Variants in ARHGAP26 observed in about 807,000 individuals in gnomAD.
ARHGAP26 encodes Rho GTPase activating protein 26, also known as rho GTPase-activating protein 26.
A neutral mutation model predicts 104.8 loss-of-function variants in ARHGAP26; 38 were observed. That is an observed-to-expected ratio of 0.36 (90% CI 0.28 to 0.48). ARHGAP26 has a LOEUF of 0.48. Among genes scored for constraint, ARHGAP26 ranks in the 20% least tolerant of loss-of-function variants. ARHGAP26 has a pLI of 0.99. For synonymous variants in ARHGAP26, 341 were observed against 340.0 expected, an observed-to-expected ratio of 1.00 and a Z score of -0.03; for missense variants, 704 against 947.9, an observed-to-expected ratio of 0.74 and a Z score of 3.38.
intron 1 of ARHGAP26, among the ~76,000 whole-genome samples, chr5:142,835,325 T>G (rs1769341482): frequency 1.3e-5 from 2 of 152,214 alleles, no homozygotes; most frequent in African/African-American, 4.8e-5. Context: ...TAGAGATGTC[T>G]TCTTTTTCTT....
At chr5:143,012,548 C>A (rs13170271) in intron 11 of ARHGAP26, among the ~76,000 whole-genome samples, 1 of 23,346 alleles carries the variant, frequency 4.3e-5, no homozygotes, top group Non-Finnish European at 1.1e-4. Flanking sequence ...TATATACATA[C>A]ATACATATAT....
At chr5:142,850,536 AC>A (rs1446860782) in intron 1 of ARHGAP26, among the ~76,000 whole-genome samples, 41 of 152,238 alleles carry the variant, frequency 2.7e-4, no homozygotes, top group African/African-American at 9.9e-4. Flanking sequence ...ATACTTGCAT[AC>A]AAACTTTCGA....
At chr5:143,041,627 C>G in intron 13 of ARHGAP26, 189 bp from the exon 14 acceptor site, 1 of 583,852 alleles carries the variant, frequency 1.7e-6, no homozygotes, top group Non-Finnish European at 3.1e-6. Flanking sequence ...CCGTGAAATC[C>G]TAGACAGCTG....
chr5:143,030,307 G>A (rs891853010), intron 12 of ARHGAP26, among the ~76,000 whole-genome samples: 19 of 152,130 alleles, frequency 1.2e-4, no homozygotes, highest in African/African-American at 4.6e-4. Flanking sequence ...TTAGATGGCC[G>A]AGTTAGTGTA....
At chr5:143,013,730 T>TA (rs1229907360) in intron 11 of ARHGAP26, among the ~76,000 whole-genome samples, 1 of 152,240 alleles carries the variant, frequency 6.6e-6, no homozygotes, top group East Asian at 1.9e-4. Context: ...GTGAAATGCT[T>TA]AGCACATTGC....
At chr5:142,990,490 G>T (rs767041106) in intron 11 of ARHGAP26, among the ~76,000 whole-genome samples, 1 of 152,158 alleles carries the variant, frequency 6.6e-6, no homozygotes, top group Non-Finnish European at 1.5e-5. Flanking sequence ...GTCTAGCTTT[G>T]TTCCACTGCT....
rs190010722 is a variant in ARHGAP26 at position 142,955,771 on chromosome 5, C to T, written c.1107+23646C>T. Among the ~76,000 whole-genome samples, 1,034 of 152,258 alleles carry T rather than the reference C, an allele frequency of 6.8e-3. 13 individuals carry two copies. The highest frequency in any genetic ancestry group is 0.022 in the African/African-American group (928 of 41,540). ...GGGAAAATGGAAATAGACAAATGAT[C>T]GGTTCCAGATGTTAGTCTTGTTGTG... On this transcript the variant is annotated intron_variant, in intron 11 of 22. Transcript: ENST00000645722.
At position 143,048,829 on chromosome 5, in the gene ARHGAP26, G is replaced by A. The variant is rs577346693; in HGVS notation, c.1286-5610G>A. 4.6e-5 allele frequency among the ~76,000 whole-genome samples: 7 copies of A among 150,768 alleles called. No individual in the cohort carries two copies. In the South Asian group the frequency reaches 1.0e-3, roughly 23 times the overall value. On this transcript the variant is annotated intron_variant, in intron 14 of 22. Transcript: ENST00000645722. ...CTCAGGAGGCTGAGGCAGGAGAATC[G>A]CTTGAACGTGGGAGGTGGAGGTTGC...
Position 143,223,977 on chromosome 5 carries a change from G to A in ARHGAP26, c.*1531G>A, listed in dbSNP as rs561328762. 13 of 231,756 alleles carry A rather than the reference G, an allele frequency of 5.6e-5. No homozygotes were observed. Among genetic ancestry groups the A allele is most frequent in the African/African-American group, 2.0e-4 (9 of 45,384 alleles). 14.4% of individuals were successfully genotyped at this position (231,756 alleles called of 1,614,324 possible). ...TAGACAAACTACAAACCGATGGACCGTCAAGCTCCCCAGGAGCCCCTTGGA... is the reference window on the plus strand; with the variant it reads ...TAGACAAACTACAAACCGATGGACCATCAAGCTCCCCAGGAGCCCCTTGGA... On this transcript the variant is annotated 3_prime_UTR_variant, in exon 23 of 23. Transcript: ENST00000645722.
chr5:143,030,242 G>A (rs147869460), intron 12 of ARHGAP26, among the ~76,000 whole-genome samples: 100 of 152,266 alleles, frequency 6.6e-4, no homozygotes, highest in African/African-American at 2.4e-3. Context: ...GAGAATACTT[G>A]TGTTTTCCAG....
chr5:143,180,525 TG>T (rs1438387629), intron 20 of ARHGAP26, among the ~76,000 whole-genome samples: 1 of 152,216 alleles, frequency 6.6e-6, no homozygotes, highest in Non-Finnish European at 1.5e-5. Context: ...TACCTGAGAC[TG>T]GGTGCTTTAT....
Position 142,986,923 on chromosome 5 carries a change from G to C in ARHGAP26, c.1108-27157G>C, listed in dbSNP as rs570471451. Among the ~76,000 whole-genome samples, 15 of 152,322 alleles carry C rather than the reference G, an allele frequency of 9.8e-5. No individual in the cohort carries two copies. In the South Asian group the frequency reaches 1.2e-3, roughly 13 times the overall value. On this transcript the variant is annotated intron_variant, in intron 11 of 22. Coordinates refer to ENST00000645722, the MANE Select transcript of ARHGAP26 (RefSeq NM_001135608.3). ...TTACTGTAGCTTTGTGGTATAGTTT[G>C]AAATCAGGTAGTGTGATGCCTCAAG...
At chr5:143,105,686 A>G (rs907334082) in intron 17 of ARHGAP26, among the ~76,000 whole-genome samples, 1 of 152,140 alleles carries the variant, frequency 6.6e-6, no homozygotes, top group Admixed American at 6.5e-5. Context: ...CGGGAGTGGC[A>G]TCTGTCTGCA....
intron 11 of ARHGAP26, among the ~76,000 whole-genome samples, chr5:142,999,448 G>A (rs892574658): frequency 3.9e-5 from 6 of 152,092 alleles, no homozygotes; most frequent in Admixed American, 2.6e-4. Context: ...TTGGGGGAAG[G>A]AGAAAGAGGA....
At chr5:142,832,664 C>T (rs1312598150) in intron 1 of ARHGAP26, among the ~76,000 whole-genome samples, 1 of 152,228 alleles carries the variant, frequency 6.6e-6, no homozygotes, top group Non-Finnish European at 1.5e-5. Flanking sequence ...TCCCTCTGTC[C>T]TTGCCCTGAT....
chr5:143,041,893 G>A lies in ARHGAP26; in HGVS notation c.1285+3G>A, dbSNP rs955836248. 8 of 1,582,030 alleles carry A rather than the reference G, an allele frequency of 5.1e-6. No homozygotes were observed. Among genetic ancestry groups the A allele is most frequent in the Non-Finnish European group, 6.9e-6 (8 of 1,163,380 alleles). ...GAAGTTGCTGAGTGTCCTGATGGGTGAGTGCCGCAGTGGCTCTGCTAGGCA... is the reference window on the plus strand; with the variant it reads ...GAAGTTGCTGAGTGTCCTGATGGGTAAGTGCCGCAGTGGCTCTGCTAGGCA... On this transcript the variant is annotated splice_donor_region_variant and intron_variant, in intron 14 of 22. Transcript: ENST00000645722.
At chr5:142,845,361 A>T (rs1771720004) in intron 1 of ARHGAP26, among the ~76,000 whole-genome samples, 1 of 152,180 alleles carries the variant, frequency 6.6e-6, no homozygotes, top group South Asian at 2.1e-4. Flanking sequence ...GAGGAAGCTG[A>T]GTCTCAGAGC....
intron 1 of ARHGAP26, among the ~76,000 whole-genome samples, chr5:142,773,009 C>T (rs905372854): frequency 2.6e-5 from 4 of 151,986 alleles, no homozygotes; most frequent in South Asian, 4.2e-4. Context: ...ATGGGGATCT[C>T]GGTGTTCTGT....
At chr5:142,785,841 C>G (rs934605012) in intron 1 of ARHGAP26, among the ~76,000 whole-genome samples, 1 of 152,104 alleles carries the variant, frequency 6.6e-6, no homozygotes, top group African/African-American at 2.4e-5. Flanking sequence ...TTCTCTTTCT[C>G]TCATTTGCTT....
Sources: gnomAD v4.1 joint callset for allele counts (sites outside exome capture counted in the v4.1 genomes callset) on GRCh38, gnomAD v4.1.1 for gene constraint, MANE v1.5 for transcripts, NCBI Gene and HGNC (gene_info 2026-07-23, HGNC 2026-07-21) for gene names.